WFDC10B: variants seen among roughly 807,000 people sequenced by gnomAD.
The protein encoded by WFDC10B is WAP four-disulfide core domain 10B.
In WFDC10B, 1 loss-of-function variant was observed where a neutral mutation model predicts 2.7. That is an observed-to-expected ratio of 0.38 (90% CI 0.13 to 1.79). The LOEUF is 1.79. Among genes scored for constraint, WFDC10B ranks in the 40% most tolerant of loss-of-function variants. The probability of loss-of-function intolerance (pLI) is 0.33; values close to 1 mark genes in which losing one functional copy is unlikely to be tolerated. For synonymous variants in WFDC10B, 26 were observed against 32.2 expected (o/e 0.81, Z 0.65); for missense variants, 71 against 87.8 (o/e 0.81, Z 0.76).
chr20:45,698,092 C>G (rs761297067), intron 2 of WFDC10B, among the ~76,000 whole-genome samples: 1 of 152,154 alleles, frequency 6.6e-6, no homozygotes, highest in Non-Finnish European at 1.5e-5. Context: ...CGAGTTCATA[C>G]AAAACTGCCT....
intron 2 of WFDC10B, among the ~76,000 whole-genome samples, chr20:45,687,470 C>T (rs1318103937): frequency 6.6e-6 from 1 of 152,148 alleles, no homozygotes. Flanking sequence ...CTGCAATGAA[C>T]ATATGCATGC....
chr20:45,691,999 G>A (rs890672926), intron 2 of WFDC10B, among the ~76,000 whole-genome samples: 1 of 152,088 alleles, frequency 6.6e-6, no homozygotes, highest in Admixed American at 6.6e-5. Flanking sequence ...CATGTTTAGT[G>A]CTTCCTTCAG....
At chr20:45,702,942 T>C (rs1235151934) in intron 2 of WFDC10B, among the ~76,000 whole-genome samples, 1 of 152,166 alleles carries the variant, frequency 6.6e-6, no homozygotes, top group African/African-American at 2.4e-5. Flanking sequence ...TGGTAGCTCA[T>C]GTGTCTGGGG....
intron 2 of WFDC10B, among the ~76,000 whole-genome samples, chr20:45,704,278 C>T (rs1446613804): frequency 6.6e-6 from 1 of 152,202 alleles, no homozygotes; most frequent in Admixed American, 6.5e-5. Flanking sequence ...CTGCTCAGAA[C>T]TCAGAGGAAG....
At position 45,684,935 on chromosome 20, in the gene WFDC10B, G is replaced by C. The variant is rs747775533; in HGVS notation, c.117C>G (p.Pro39=). The change falls in exon 4 of 4, where the codon CCC becomes CCG. Residue 39 remains proline, a synonymous_variant. Coordinates refer to ENST00000330523, the MANE Select transcript of WFDC10B (RefSeq NM_172006.2). ...MQRIKVCEKR[P]SIDLCIHHCS... ...AGTGGTGGATGCATAGATCTATGCT[G>C]GGTCGCTTCTCACAGACCTTGATTC... 3 of 1,613,734 alleles carry C rather than the reference G, an allele frequency of 1.9e-6. No homozygotes were observed. The highest frequency in any genetic ancestry group is 1.7e-5 in the Admixed American group (1 of 59,966).
At chr20:45,702,068 C>A in intron 2 of WFDC10B, 1 of 1,538,054 alleles carries the variant, frequency 6.5e-7, no homozygotes, top group Non-Finnish European at 8.9e-7. Context: ...CACAGCAGTG[C>A]CTGGTCAAAC....
chr20:45,699,148 G>A (rs1984070660), intron 2 of WFDC10B, among the ~76,000 whole-genome samples: 1 of 152,302 alleles, frequency 6.6e-6, no homozygotes, highest in Admixed American at 6.5e-5. Context: ...AGCATGTGGA[G>A]AAATTGGAAC....
chr20:45,691,525 A>G (rs1302554406), intron 2 of WFDC10B, among the ~76,000 whole-genome samples: 1 of 150,964 alleles, frequency 6.6e-6, no homozygotes, highest in Non-Finnish European at 1.5e-5. Flanking sequence ...GTGCTCCTGT[A>G]TTGGGCGCAT....
intron 2 of WFDC10B, among the ~76,000 whole-genome samples, chr20:45,700,547 A>G (rs1280002740): frequency 6.6e-6 from 1 of 152,204 alleles, no homozygotes; most frequent in Non-Finnish European, 1.5e-5. Context: ...GAAAATCTGA[A>G]TGTTCACTGC....
Position 45,693,458 on chromosome 20 carries a change from C to T in WFDC10B, c.-64-7402G>A, listed in dbSNP as rs574895195. On this transcript the variant is annotated intron_variant, in intron 2 of 3. Transcript: ENST00000330523. ...GGAGCCTACAGAGGCAGGCAGGCCT[C>T]CTTGAGCTGTGGTGGGCTCCACCCA... 3.1e-3 allele frequency among the ~76,000 whole-genome samples: 466 copies of T among 152,334 alleles called. 4 individuals are homozygous for T. The highest frequency in any genetic ancestry group is 5.0e-3 in the Non-Finnish European group (337 of 68,030).
intron 2 of WFDC10B, among the ~76,000 whole-genome samples, chr20:45,686,539 T>G (rs551801543): frequency 0.033 from 4,876 of 149,852 alleles, 107 homozygotes; most frequent in South Asian, 0.072. Flanking sequence ...ATAATTTTTT[T>G]GGGGGGGGGC....
At chr20:45,690,212 C>A (rs1234613287) in intron 2 of WFDC10B, among the ~76,000 whole-genome samples, 1 of 149,666 alleles carries the variant, frequency 6.7e-6, no homozygotes, top group Non-Finnish European at 1.5e-5. Context: ...GGTGGATAAG[C>A]TTTTTGATGT....
chr20:45,686,170 C>T lies in WFDC10B; in HGVS notation c.-64-114G>A, dbSNP rs1030467107. On this transcript the variant is annotated intron_variant, in intron 2 of 3. Transcript: ENST00000330523. Reference sequence around the variant, plus strand: ...CTTCCTGCCCTTGCCTTCTCCTGGCCCTGTCCTTCTCCATGTAGGATAGGG... The same window carrying T: ...CTTCCTGCCCTTGCCTTCTCCTGGCTCTGTCCTTCTCCATGTAGGATAGGG... The T allele has an allele frequency of 2.3e-6, 3 of 1,289,002 alleles. No homozygotes were observed. The African/African-American group carries it at 4.5e-5, about 19-fold the overall frequency. 79.8% of individuals were successfully genotyped at this position (1,289,002 alleles called of 1,614,324 possible).
intron 2 of WFDC10B, among the ~76,000 whole-genome samples, chr20:45,694,043 G>A (rs1417268043): frequency 2.0e-5 from 3 of 152,180 alleles, no homozygotes; most frequent in Non-Finnish European, 2.9e-5. Flanking sequence ...CGTTTGTCAG[G>A]TGGATAGATT....
intron 2 of WFDC10B, among the ~76,000 whole-genome samples, chr20:45,693,750 GA>G (rs1983893744): frequency 6.6e-6 from 1 of 152,208 alleles, no homozygotes; most frequent in Non-Finnish European, 1.5e-5. Context: ...CTTTGACTAG[GA>G]AAAGGAACTC....
At position 45,685,898 on chromosome 20, in the gene WFDC10B, C is replaced by G. The variant is rs760481167; in HGVS notation, c.91+4G>C. The stretch of plus-strand genomic sequence containing the variant: ...CATCACCCATCCAGCAGCCCATCAC[C>G]TACTCTGCATCCTCATCTTGTCACG... On this transcript the variant is annotated splice_donor_region_variant and intron_variant, in intron 3 of 3. Coordinates refer to ENST00000330523, the MANE Select transcript of WFDC10B (RefSeq NM_172006.2). 1.2e-6 allele frequency: 2 copies of G among 1,613,708 alleles called. No individual in the cohort carries two copies. Among genetic ancestry groups the G allele is most frequent in the Non-Finnish European group, 1.7e-6 (2 of 1,180,020 alleles).
At chr20:45,693,773 G>A (rs1983895099) in intron 2 of WFDC10B, among the ~76,000 whole-genome samples, 1 of 152,238 alleles carries the variant, frequency 6.6e-6, no homozygotes, top group South Asian at 2.1e-4. Flanking sequence ...CTGACCCCTT[G>A]CGCTTCCCGA....
At chr20:45,691,535 T>G (rs896415325) in intron 2 of WFDC10B, among the ~76,000 whole-genome samples, 4 of 151,236 alleles carry the variant, frequency 2.6e-5, no homozygotes, top group African/African-American at 9.7e-5. Context: ...ATTGGGCGCA[T>G]ATATATTTAG....
intron 2 of WFDC10B, among the ~76,000 whole-genome samples, chr20:45,687,712 C>T (rs1284503455): frequency 2.0e-5 from 3 of 151,956 alleles, no homozygotes; most frequent in Non-Finnish European, 2.9e-5. Context: ...TTGTAACTGG[C>T]GTAAGATGGT....
Sources: allele counts gnomAD v4.1 joint callset (sites outside exome capture counted in the v4.1 genomes callset), GRCh38; gene constraint gnomAD v4.1.1; transcripts MANE v1.5; gene names NCBI Gene and HGNC (gene_info 2026-07-23, HGNC 2026-07-21).